The following QSOX2 variants were observed in gnomAD, a reference collection of about 807,000 sequenced individuals.
QSOX2 encodes the protein sulfhydryl oxidase 2.
A neutral mutation model predicts 61.7 loss-of-function variants in QSOX2; 46 were observed. The observed-to-expected ratio is 0.75, with a 90% confidence interval of 0.59 to 0.95. The LOEUF (loss-of-function observed/expected upper bound fraction) is 0.95, where lower values mean the gene tolerates loss of function less well. Among genes scored for constraint, QSOX2 ranks in the 40% least tolerant of loss-of-function variants. The pLI is 0.00. For synonymous variants in QSOX2, 383 were observed against 388.4 expected, an observed-to-expected ratio of 0.99 and a Z score of 0.16; for missense variants, 879 against 918.9, an observed-to-expected ratio of 0.96 and a Z score of 0.56.
At chr9:136,219,287 G>T in intron 6 of QSOX2, 123 bp from the exon 7 acceptor site, 1 of 1,207,858 alleles carries the variant, frequency 8.3e-7, no homozygotes, top group Non-Finnish European at 1.1e-6. Context: ...ATTGGGGCAT[G>T]GGAGTCAGTG....
intron 1 of QSOX2, among the ~76,000 whole-genome samples, chr9:136,230,728 C>T (rs1329171320): frequency 6.6e-6 from 1 of 152,232 alleles, no homozygotes; most frequent in Non-Finnish European, 1.5e-5. Context: ...GACTTAAGTA[C>T]ATAATTCTAA....
At chr9:136,212,641 C>G (rs1831860950) in intron 10 of QSOX2, among the ~76,000 whole-genome samples, 1 of 152,152 alleles carries the variant, frequency 6.6e-6, no homozygotes, top group South Asian at 2.1e-4. Flanking sequence ...GCCCGTCTGC[C>G]CTGCTCTCCT....
At chr9:136,231,113 C>T (rs12353023) in intron 1 of QSOX2, among the ~76,000 whole-genome samples, 2 of 152,290 alleles carry the variant, frequency 1.3e-5, no homozygotes, top group Non-Finnish European at 1.5e-5. Flanking sequence ...TTATCTACCA[C>T]GGGAGTGGCC....
chr9:136,244,154 T>G (rs977193434), intron 1 of QSOX2, among the ~76,000 whole-genome samples: 1 of 152,214 alleles, frequency 6.6e-6, no homozygotes, highest in Non-Finnish European at 1.5e-5. Context: ...TGCCACTGAA[T>G]AACACACAAG....
chr9:136,230,872 C>G (rs773606148), intron 1 of QSOX2, among the ~76,000 whole-genome samples: 1 of 152,202 alleles, frequency 6.6e-6, no homozygotes, highest in African/African-American at 2.4e-5. Context: ...CGTCCCACCA[C>G]CCCTGGGCCT....
rs186585956 is a variant in QSOX2, at chr9:136,219,389, C to T, written c.822-225G>A. Among the ~76,000 whole-genome samples the T allele has an allele frequency of 7.7e-4, 117 of 152,348 alleles. 1 individual carries two copies. Among genetic ancestry groups the T allele is most frequent in the Non-Finnish European group, 3.2e-4 (22 of 68,032 alleles). On this transcript the variant is annotated intron_variant, in intron 6 of 11. Transcript: ENST00000358701. ...AAATCCACAGATTTACAACCAGTTC[C>T]AGTTGTAATAAGTACTATGACTCAT...
chr9:136,241,217 A>T (rs1830431041), intron 1 of QSOX2, among the ~76,000 whole-genome samples: 2 of 152,056 alleles, frequency 1.3e-5, no homozygotes, highest in Admixed American at 1.3e-4. Flanking sequence ...CCGTAAGGAG[A>T]CAGGAGGCCT....
intron 10 of QSOX2, among the ~76,000 whole-genome samples, chr9:136,213,605 C>T (rs1831875116): frequency 6.6e-6 from 1 of 151,712 alleles, no homozygotes; most frequent in African/African-American, 2.4e-5. Context: ...TCCAATATCA[C>T]CTTGAGGAGG....
rs188492913 is a variant in QSOX2, at chr9:136,241,011, T to A, written c.328+4465A>T. 6.8e-3 allele frequency among the ~76,000 whole-genome samples: 1,036 copies of A among 151,326 alleles called. 7 individuals are homozygous for A. The highest frequency in any genetic ancestry group is 9.7e-3 in the Non-Finnish European group (658 of 67,940). ...GGAGACGGCTCCCTGGACGTGGCTGTAAGGCCCTCTTAGCAAACCATCCCG... is the reference window on the plus strand; with the variant it reads ...GGAGACGGCTCCCTGGACGTGGCTGAAAGGCCCTCTTAGCAAACCATCCCG... On this transcript the variant is annotated intron_variant, in intron 1 of 11. Transcript: ENST00000358701.
chr9:136,245,792 G>T lies in QSOX2; in HGVS notation c.12C>A (p.Ala4=). 2 of 1,152,698 alleles carry T rather than the reference G, an allele frequency of 1.7e-6. No homozygotes were observed. Among genetic ancestry groups the T allele is most frequent in the South Asian group, 4.2e-5 (1 of 23,956 alleles). The allele number at this position is 1,152,698 out of a possible 1,614,324, so 71.4% of individuals were successfully genotyped here. A position where few individuals can be genotyped will look rare whatever the true frequency, so the allele number is the denominator to read the frequency against. ...CCGGGCTGCGCGCCACCGCCGCCCC[G>T]GCCGCCGCCATGTTGGAAGTGCCGC... MAA[A]GAAVARSPGI... The change falls in exon 1 of 12, where the codon GCC becomes GCA. Residue 4 remains alanine (A), a synonymous_variant. Transcript: ENST00000358701.
At chr9:136,237,862 C>T (rs1252761266) in intron 1 of QSOX2, among the ~76,000 whole-genome samples, 1 of 152,256 alleles carries the variant, frequency 6.6e-6, no homozygotes, top group African/African-American at 2.4e-5. Flanking sequence ...AGTGAACATG[C>T]GTCAACAACA....
intron 6 of QSOX2, among the ~76,000 whole-genome samples, chr9:136,220,634 TC>T (rs1175272406): frequency 8.2e-6 from 1 of 122,270 alleles, no homozygotes; most frequent in African/African-American, 3.8e-5. Flanking sequence ...CCTCACGCTG[TC>T]CTTCTCCCCA....
intron 10 of QSOX2, among the ~76,000 whole-genome samples, chr9:136,214,637 C>A (rs1831886974): frequency 6.6e-6 from 1 of 151,896 alleles, no homozygotes; most frequent in Non-Finnish European, 1.5e-5. Flanking sequence ...CCTTGGGTGA[C>A]CCCCCAGGCC....
intron 1 of QSOX2, among the ~76,000 whole-genome samples, chr9:136,237,695 C>T (rs73670203): frequency 0.015 from 2,212 of 150,108 alleles, 42 homozygotes; most frequent in African/African-American, 0.052. Context: ...CCGTCCTGTG[C>T]CACACCTGGA....
At chr9:136,234,658 T>C (rs895051912) in intron 1 of QSOX2, among the ~76,000 whole-genome samples, 1 of 152,172 alleles carries the variant, frequency 6.6e-6, no homozygotes, top group African/African-American at 2.4e-5. Context: ...ACCTCTCCTG[T>C]GAACCTCGCA....
chr9:136,223,156 G>C lies in QSOX2; in HGVS notation c.675+607C>G, dbSNP rs1243704637. Reference sequence around the variant, plus strand: ...AAACAGTCGCCTATCAAGTTGCAAGGAGGAGGAGGAGAAGCTCAGGGTGAG... The same window carrying C: ...AAACAGTCGCCTATCAAGTTGCAAGCAGGAGGAGGAGAAGCTCAGGGTGAG... On this transcript the variant is annotated intron_variant, in intron 5 of 11. Transcript: ENST00000358701. This position sits in a 1 kb window ranked among gnomAD's most constrained non-coding sequence, Gnocchi z 4.4. 6.6e-6 allele frequency among the ~76,000 whole-genome samples: 1 copy of C among 151,190 alleles called. No individual in the cohort carries two copies. Among genetic ancestry groups the C allele is most frequent in the Non-Finnish European group, 1.5e-5 (1 of 67,998 alleles).
At chr9:136,245,357 G>A (rs932121435) in intron 1 of QSOX2, 119 bp downstream of exon 1, 52 of 840,354 alleles carry the variant, frequency 6.2e-5, no homozygotes, top group Admixed American at 3.4e-4. Context: ...CTGGCTCTGC[G>A]GTAAGGAAAG....
chr9:136,215,069 A>C (rs1831891932), intron 10 of QSOX2, 85 bp downstream of exon 10: 1 of 1,478,650 alleles, frequency 6.8e-7, no homozygotes, highest in Admixed American at 2.3e-5. Flanking sequence ...CCTCCCATAC[A>C]GCAGTACATG....
rs1481905716 is a variant in QSOX2, at chr9:136,209,201, C to A, written c.1624G>T (p.Glu542Ter). The A allele has an allele frequency of 8.1e-6, 13 of 1,614,080 alleles. No homozygotes were observed. The highest frequency in any genetic ancestry group is 1.1e-5 in the Non-Finnish European group (13 of 1,180,048). Residue 542 changes from glutamate (E) to a stop codon, truncating the protein, a stop_gained, in exon 12 of 12, where the codon GAA becomes TAA. Transcript: ENST00000358701. LOFTEE classifies it low-confidence loss of function (END_TRUNC). The surrounding 1 kb of genome is among the most constrained non-coding windows in gnomAD (Gnocchi z 5.6). The part of the protein sequence containing the change: ...TPDLCPACHE[E>*]IKGLASWDEG... ...TCCCAGCTGGCCAGGCCCTTAATTTCCTCATGGCAGGCTGGGCAGAGGTCC... is the reference window on the plus strand; with the variant it reads ...TCCCAGCTGGCCAGGCCCTTAATTTACTCATGGCAGGCTGGGCAGAGGTCC...
Sources: gnomAD v4.1 joint callset for allele counts (sites outside exome capture counted in the v4.1 genomes callset) on GRCh38, gnomAD v4.1.1 for gene constraint, Gnocchi (gnomAD v3.1) non-coding constraint, MANE v1.5 for transcripts, NCBI Gene and HGNC (gene_info 2026-07-23, HGNC 2026-07-21) for gene names.